The following PCDHAC2 variants were observed in gnomAD, a reference collection of about 807,000 sequenced individuals.
PCDHAC2 encodes protocadherin alpha-C2.
PCDHAC2 carries 24 observed loss-of-function variants against 63.3 expected under a neutral mutation model. The observed-to-expected ratio is 0.38, with a 90% CI of 0.27 to 0.53. The LOEUF is 0.53. PCDHAC2 is among the 20% of genes least tolerant of loss of function. PCDHAC2 has a pLI of 0.81. For missense variants in PCDHAC2, 1,181 were observed against 1,275.2 expected (o/e 0.93, Z 1.12); for synonymous variants, 569 against 529.4 (o/e 1.07, Z -1.03).
At chr5:140,982,625 T>C in intron 3 of PCDHAC2, 62 bp downstream of exon 3, 1 of 1,582,614 alleles carries the variant, frequency 6.3e-7, no homozygotes, top group South Asian at 1.2e-5. Context: ...ATGACCTACT[T>C]TTGTAAGATC....
chr5:140,981,969 T>C (rs1438723039), intron 2 of PCDHAC2, among the ~76,000 whole-genome samples: 1 of 152,146 alleles, frequency 6.6e-6, no homozygotes, highest in African/African-American at 2.4e-5. Context: ...ATAAAAGATA[T>C]AGAAAGAGTA....
chr5:140,972,758 A>G lies in PCDHAC2; in HGVS notation c.2565+3427A>G, dbSNP rs563540989. Among the ~76,000 whole-genome samples, 16 of 150,884 alleles carry G rather than the reference A, an allele frequency of 1.1e-4. No individual in the cohort carries two copies. In the South Asian group the frequency reaches 3.4e-3, roughly 32 times the overall value. On this transcript the variant is annotated intron_variant, in intron 1 of 3. Transcript: ENST00000289269. ...GGCTCACTGCAACCTCCGCCTCCCA[A>G]GTTAAAGTGATTCTTCTGCCTCAGC...
chr5:141,000,223 G>C (rs1190945878), intron 3 of PCDHAC2, among the ~76,000 whole-genome samples: 1 of 151,642 alleles, frequency 6.6e-6, no homozygotes, highest in African/African-American at 2.4e-5. Context: ...AAATGCCTGT[G>C]TGGAGCTGAA....
At position 140,969,215 on chromosome 5, in the gene PCDHAC2, C is replaced by T; in HGVS notation, c.2449C>T (p.Pro817Ser). Residue 817 changes from proline (P) to serine (S), a missense_variant, in exon 1 of 4, where the codon CCA becomes TCA. By Grantham distance (74) the Pro-to-Ser change is moderately conservative (BLOSUM62 -1). This residue lies in a region of PCDHAC2 where 968 missense variants were observed against 1,073.5 expected (regional missense o/e 0.90). Transcript: ENST00000289269. ...MFYNTGAQTG[P>S]GPSGAQAAVT... ...TTACAATACAGGGGCCCAGACAGGA[C>T]CAGGGCCTTCGGGAGCCCAAGCAGC... 6.2e-7 allele frequency: 1 copy of T among 1,614,128 alleles called. No homozygotes were observed. Among genetic ancestry groups the T allele is most frequent in the East Asian group, 2.2e-5 (1 of 44,876 alleles).
chr5:140,968,057 C>G lies in PCDHAC2; in HGVS notation c.1291C>G (p.Arg431Gly). The G allele has an allele frequency of 6.2e-7, 1 of 1,614,110 alleles. No individual in the cohort carries two copies. Among genetic ancestry groups the G allele is most frequent in the African/African-American group, 1.3e-5 (1 of 75,020 alleles). Residue 431 changes from arginine (R) to glycine (G), a missense_variant, in exon 1 of 4, where the codon CGG becomes GGG. Arg to Gly is a moderately radical substitution (Grantham distance 125). Around this residue, in one of 3 missense-constraint regions of PCDHAC2, gnomAD observed 968 missense variants for 1,073.5 expected, o/e 0.90. Coordinates refer to ENST00000289269, the MANE Select transcript of PCDHAC2 (RefSeq NM_018899.6). ...LVVSGPLDRE[R>G]VAVYNITVTA... is the part of the protein sequence containing the mutation. ...GGTGAGCGGCCCACTGGACCGAGAG[C>G]GGGTGGCTGTCTACAACATCACGGT... is the stretch of plus-strand genomic sequence containing the variant.
Position 140,967,870 on chromosome 5 carries a change from G to C in PCDHAC2, c.1104G>C (p.Thr368=), listed in dbSNP as rs782622860. ...ACAATGCCCCAGAGGTGGTGCTCAC[G>C]GACCTGTATAGCCCAGTGCCTGAGA... The part of the protein sequence containing the change: ...VNDNAPEVVL[T]DLYSPVPENA... Residue 368 remains threonine (T), a synonymous_variant, in exon 1 of 4, where the codon ACG becomes ACC. Coordinates refer to ENST00000289269, the MANE Select transcript of PCDHAC2 (RefSeq NM_018899.6). 2 of 1,614,152 alleles carry C rather than the reference G, an allele frequency of 1.2e-6. No individual in the cohort carries two copies. Among genetic ancestry groups the C allele is most frequent in the Admixed American group, 3.3e-5 (2 of 60,024 alleles).
chr5:140,977,876 G>A (rs1425308379), intron 1 of PCDHAC2, among the ~76,000 whole-genome samples: 3 of 152,190 alleles, frequency 2.0e-5, no homozygotes, highest in Non-Finnish European at 2.9e-5. Flanking sequence ...TAAGTATAAT[G>A]TAGAGGAAAA....
chr5:141,010,618 G>T lies in PCDHAC2; in HGVS notation c.*681G>T. The T allele has an allele frequency of 5.2e-6, 1 of 191,706 alleles. No individual in the cohort carries two copies. The highest frequency in any genetic ancestry group is 1.1e-5 in the Non-Finnish European group (1 of 92,168). 11.9% of individuals were successfully genotyped at this position (191,706 alleles called of 1,614,324 possible). ...TGTGACGTCATTATACCTAAAATCT[G>T]CATCATACCTGCAAGCCAACAGTTC... is the stretch of plus-strand genomic sequence containing the variant. On this transcript the variant is annotated 3_prime_UTR_variant, in exon 4 of 4. Coordinates refer to ENST00000289269, the MANE Select transcript of PCDHAC2 (RefSeq NM_018899.6).
chr5:141,000,651 C>G (rs1325110453), intron 3 of PCDHAC2, among the ~76,000 whole-genome samples: 2 of 151,708 alleles, frequency 1.3e-5, no homozygotes, highest in African/African-American at 4.8e-5. Flanking sequence ...TGGTCTCGAA[C>G]TCCTGACCTC....
At position 141,010,421 on chromosome 5, in the gene PCDHAC2, A is replaced by T. The variant is rs1486731012; in HGVS notation, c.*484A>T. The T allele has an allele frequency of 8.7e-7, 1 of 1,148,142 alleles. No homozygotes were observed. Among genetic ancestry groups the T allele is most frequent in the Admixed American group, 2.9e-5 (1 of 34,726 alleles). The allele number at this position is 1,148,142 out of a possible 1,614,324, so 71.1% of individuals were successfully genotyped here. A position where few individuals can be genotyped will look rare whatever the true frequency, so the allele number is the denominator to read the frequency against. ...CAGCTTAGACTAATTGGTACAAGGAAGGCAAGAAAACAAAGACAAATAAAC... is the reference window on the plus strand; with the variant it reads ...CAGCTTAGACTAATTGGTACAAGGATGGCAAGAAAACAAAGACAAATAAAC... On this transcript the variant is annotated 3_prime_UTR_variant, in exon 4 of 4. Coordinates refer to ENST00000289269, the MANE Select transcript of PCDHAC2 (RefSeq NM_018899.6).
At chr5:140,969,578 G>A (rs2096343344) in intron 1 of PCDHAC2, 2 of 957,378 alleles carry the variant, frequency 2.1e-6, no homozygotes, top group Admixed American at 5.9e-5. Context: ...TGAGAAGTGA[G>A]GATTAGTCTT....
At chr5:140,978,711 C>G (rs1306070484) in intron 1 of PCDHAC2, among the ~76,000 whole-genome samples, 2 of 152,238 alleles carry the variant, frequency 1.3e-5, no homozygotes, top group Non-Finnish European at 2.9e-5. Flanking sequence ...GTGGCCTTTA[C>G]AAGATTATTA....
In PCDHAC2 at chr5:141,010,181, C is replaced by G; in HGVS notation, c.*244C>G. The G allele has an allele frequency of 2.6e-6, 4 of 1,554,386 alleles. No individual in the cohort carries two copies. Among genetic ancestry groups the G allele is most frequent in the Non-Finnish European group, 3.5e-6 (4 of 1,148,120 alleles). On this transcript the variant is annotated 3_prime_UTR_variant, in exon 4 of 4. Transcript: ENST00000289269. ...TTGTTTTCAGAACCTAAAAAGCAGA[C>G]CCAAGTTTCCTTTCTCCTCCGCCGC... is the stretch of plus-strand genomic sequence containing the variant.
chr5:140,995,265 G>A (rs1293855932), intron 3 of PCDHAC2, among the ~76,000 whole-genome samples: 1 of 152,102 alleles, frequency 6.6e-6, no homozygotes, highest in African/African-American at 2.4e-5. Context: ...TTGAATACAA[G>A]CCCTTTGATA....
At chr5:140,971,782 A>G (rs1458049076) in intron 1 of PCDHAC2, among the ~76,000 whole-genome samples, 1 of 152,166 alleles carries the variant, frequency 6.6e-6, no homozygotes, top group Non-Finnish European at 1.5e-5. Context: ...ATTCAAGATT[A>G]TTCAATATAT....
At chr5:141,006,276 A>T (rs2098265134) in intron 3 of PCDHAC2, among the ~76,000 whole-genome samples, 1 of 151,894 alleles carries the variant, frequency 6.6e-6, no homozygotes, top group Admixed American at 6.6e-5. Context: ...CAGTGGCACG[A>T]TCTCAGCTCA....
At chr5:141,000,944 T>C (rs2097977292) in intron 3 of PCDHAC2, among the ~76,000 whole-genome samples, 1 of 152,196 alleles carries the variant, frequency 6.6e-6, no homozygotes, top group Non-Finnish European at 1.5e-5. Flanking sequence ...GGACAAATTA[T>C]CTTGCTGTAA....
intron 1 of PCDHAC2, among the ~76,000 whole-genome samples, chr5:140,973,273 C>T (rs1180418925): frequency 6.6e-6 from 1 of 152,150 alleles, no homozygotes; most frequent in Non-Finnish European, 1.5e-5. Context: ...ACTTTTATTT[C>T]CCCCAGCACT....
chr5:140,987,012 G>A (rs2097222470), intron 3 of PCDHAC2, among the ~76,000 whole-genome samples: 1 of 151,994 alleles, frequency 6.6e-6, no homozygotes. Context: ...TCATGAGTTC[G>A]AGACCAGCCT....
Sources: allele counts gnomAD v4.1 joint callset (sites outside exome capture counted in the v4.1 genomes callset), GRCh38; gene constraint gnomAD v4.1.1; regional missense constraint gnomAD v4.1.1; transcripts MANE v1.5; gene names NCBI Gene and HGNC (gene_info 2026-07-23, HGNC 2026-07-21).